Variants in FMN2 observed in about 807,000 individuals in gnomAD.
FMN2 encodes the protein formin-2.
A neutral mutation model predicts 142.3 loss-of-function variants in FMN2; 51 were observed. The ratio of observed to expected loss-of-function variants is 0.36; its 90% confidence interval spans 0.29 to 0.45. The LOEUF is 0.45. FMN2 is among the 20% of genes least tolerant of loss of function. FMN2 has a pLI of 1.00. For missense variants in FMN2, 1,936 were observed against 2,122.8 expected (o/e 0.91, Z 1.73); for synonymous variants, 882 against 869.8 (o/e 1.01, Z -0.25).
At chr1:240,145,322 G>T (rs1051357048) in intron 2 of FMN2, 2 of 1,044,784 alleles carry the variant, frequency 1.9e-6, no homozygotes, top group African/African-American at 1.6e-5. Flanking sequence ...GAGGGCCGCC[G>T]CTGGGGGCTG....
chr1:240,155,602 T>C (rs1295686076), intron 2 of FMN2, among the ~76,000 whole-genome samples: 1 of 152,180 alleles, frequency 6.6e-6, no homozygotes, highest in African/African-American at 2.4e-5. Context: ...AAACTAGATT[T>C]GAGAGCCCAA....
Position 240,355,668 on chromosome 1 carries a change from G to C in FMN2, c.4766-148G>C, listed in dbSNP as rs1040848678. Reference sequence around the variant, plus strand: ...CCTTGATCATCGGCTTCTCATGTCCGTATTTGGATGTTTCCAAAATGTGTG... The same window carrying C: ...CCTTGATCATCGGCTTCTCATGTCCCTATTTGGATGTTTCCAAAATGTGTG... On this transcript the variant is annotated intron_variant, in intron 13 of 17. Transcript: ENST00000319653. 1.2e-5 allele frequency: 6 copies of C among 490,262 alleles called. No homozygotes were observed. In the South Asian group the frequency reaches 3.0e-4, roughly 24 times the overall value. 30.4% of individuals were successfully genotyped at this position (490,262 alleles called of 1,614,324 possible).
intron 6 of FMN2, among the ~76,000 whole-genome samples, chr1:240,255,094 C>A (rs1029355724): frequency 6.6e-6 from 1 of 152,122 alleles, no homozygotes; most frequent in African/African-American, 2.4e-5. Flanking sequence ...TGGGGTCGCT[C>A]ACTTAACTTT....
rs775056892 is a variant in FMN2, at chr1:240,355,785, A to G, written c.4766-31A>G. On this transcript the variant is annotated intron_variant, in intron 13 of 17. Transcript: ENST00000319653. ...GCCTTAATGCTCCACTAACAGTGTG[A>G]CACTCTAAATAATGTTCTGTCTAAT... 24 of 1,516,776 alleles carry G rather than the reference A, an allele frequency of 1.6e-5. No individual in the cohort carries two copies. The Admixed American group carries it at 3.8e-4, about 24-fold the overall frequency. 94.0% of individuals were successfully genotyped at this position (1,516,776 alleles called of 1,614,324 possible).
chr1:240,133,227 G>T (rs2103237033), intron 2 of FMN2, among the ~76,000 whole-genome samples: 1 of 152,232 alleles, frequency 6.6e-6, no homozygotes, highest in East Asian at 1.9e-4. Context: ...GTGCAGTTGG[G>T]TGATCACAGC....
rs182780558 is a variant in FMN2, at chr1:240,453,068, A to G, written c.5060+14858A>G. On this transcript the variant is annotated intron_variant, in intron 16 of 17. Transcript: ENST00000319653. ...CTGAACCTGTTTCCCCATTTGTAAA[A>G]TGAAGGTACTATACGCACCCAATTG... Among the ~76,000 whole-genome samples, 5 of 152,354 alleles carry G rather than the reference A, an allele frequency of 3.3e-5. No individual in the cohort carries two copies. In the East Asian group the frequency reaches 7.7e-4, roughly 24 times the overall value.
At chr1:240,274,465 C>A (rs565698618) in intron 7 of FMN2, among the ~76,000 whole-genome samples, 1 of 151,930 alleles carries the variant, frequency 6.6e-6, no homozygotes, top group Non-Finnish European at 1.5e-5. Context: ...GAATTGGAGA[C>A]GTGATTTGGA....
intron 8 of FMN2, among the ~76,000 whole-genome samples, chr1:240,299,233 C>T (rs552453984): frequency 6.6e-6 from 1 of 152,266 alleles, no homozygotes; most frequent in South Asian, 2.1e-4. Context: ...CAGGCGTGAG[C>T]CACCACACAT....
intron 15 of FMN2, among the ~76,000 whole-genome samples, chr1:240,432,042 G>A (rs914598210): frequency 6.6e-6 from 1 of 151,870 alleles, no homozygotes; most frequent in African/African-American, 2.4e-5. Flanking sequence ...GTTAGTGTAA[G>A]ATTGGCTTTA....
chr1:240,168,004 T>C (rs1391180181), intron 2 of FMN2, among the ~76,000 whole-genome samples: 2 of 152,050 alleles, frequency 1.3e-5, no homozygotes, highest in African/African-American at 4.8e-5. Context: ...TGAGCCAAGA[T>C]TGCGCCACCG....
intron 8 of FMN2, 30 bp downstream of exon 8, chr1:240,294,913 G>A: frequency 6.3e-7 from 1 of 1,575,548 alleles, no homozygotes; most frequent in Non-Finnish European, 8.7e-7. Flanking sequence ...TTATGTGTGA[G>A]TATATAATAT....
At chr1:240,360,268 G>T (rs761249160) in intron 14 of FMN2, among the ~76,000 whole-genome samples, 6 of 152,016 alleles carry the variant, frequency 3.9e-5, no homozygotes, top group African/African-American at 1.4e-4. Context: ...CTTATACCTC[G>T]ATGAGAAACA....
At chr1:240,298,801 G>T (rs1572168652) in intron 8 of FMN2, among the ~76,000 whole-genome samples, 1 of 152,090 alleles carries the variant, frequency 6.6e-6, no homozygotes, top group Non-Finnish European at 1.5e-5. Flanking sequence ...GTGCCAAAAA[G>T]GTTGGGGACC....
At chr1:240,247,327 A>ACC (rs1466846985) in intron 6 of FMN2, among the ~76,000 whole-genome samples, 2 of 152,052 alleles carry the variant, frequency 1.3e-5, no homozygotes, top group East Asian at 3.9e-4. Flanking sequence ...ACATGGAGAA[A>ACC]CCCCATCTCT....
At chr1:240,362,072 C>T (rs553955639) in intron 14 of FMN2, among the ~76,000 whole-genome samples, 25 of 152,212 alleles carry the variant, frequency 1.6e-4, no homozygotes, top group African/African-American at 3.4e-4. Flanking sequence ...GGTCAGTGGA[C>T]GGAACATGTT....
intron 6 of FMN2, chr1:240,245,483 G>T (rs1197218095): frequency 2.1e-5 from 10 of 470,460 alleles, no homozygotes; most frequent in South Asian, 1.6e-5. Context: ...TTAGTCAAAG[G>T]TTCCCGTCCT....
intron 2 of FMN2, among the ~76,000 whole-genome samples, chr1:240,138,537 T>TA (rs879819666): frequency 1.9e-3 from 270 of 143,778 alleles, no homozygotes; most frequent in African/African-American, 2.7e-3. Context: ...TCATCTCTAC[T>TA]AAAAAAAAAA....
intron 1 of FMN2, among the ~76,000 whole-genome samples, chr1:240,109,130 G>T (rs1161428912): frequency 6.6e-6 from 1 of 152,192 alleles, no homozygotes; most frequent in Non-Finnish European, 1.5e-5. Flanking sequence ...GTTTCAAACA[G>T]ATGATTAAAA....
intron 3 of FMN2, chr1:240,180,309 A>T (rs1665095395): frequency 2.1e-6 from 1 of 474,384 alleles, no homozygotes; most frequent in Admixed American, 4.2e-5. Context: ...TGACTCCCTG[A>T]CGTAAATTTG....
Sources: gnomAD v4.1 joint callset for allele counts (sites outside exome capture counted in the v4.1 genomes callset) on GRCh38, gnomAD v4.1.1 for gene constraint, MANE v1.5 for transcripts, NCBI Gene and HGNC (gene_info 2026-07-23, HGNC 2026-07-21) for gene names.